FAM186B: variants seen among roughly 807,000 people sequenced by gnomAD.
FAM186B encodes the protein protein FAM186B.
A neutral mutation model predicts 83.4 loss-of-function variants in FAM186B; 68 were observed. That is an observed-to-expected ratio of 0.81 (90% CI 0.67 to 1.00). The LOEUF (loss-of-function observed/expected upper bound fraction) is 1.00, where lower values mean the gene tolerates loss of function less well. FAM186B is among the 50% of genes least tolerant of loss of function. The pLI is 0.00. For synonymous variants in FAM186B, 389 were observed against 422.0 expected, an observed-to-expected ratio of 0.92 and a Z score of 0.96; for missense variants, 983 against 1,099.2, an observed-to-expected ratio of 0.89 and a Z score of 1.49.
In FAM186B at chr12:49,599,494, A is replaced by T; in HGVS notation, c.2146T>A (p.Phe716Ile). ...CGGAGGCTCTGGAGGCGTCTATAGAAGATGTACTTATGGCACAGGTACTGC... is the reference window on the plus strand; with the variant it reads ...CGGAGGCTCTGGAGGCGTCTATAGATGATGTACTTATGGCACAGGTACTGC... ...RLQYLCHKYI[F>I]YRRLQSLRQE... Residue 716 changes from phenylalanine (F) to isoleucine (I), a missense_variant, in exon 4 of 7, where the codon TTC becomes ATC. Phe to Ile is a conservative substitution (Grantham distance 21, BLOSUM62 0). Transcript: ENST00000257894. 6.4e-7 allele frequency: 1 copy of T among 1,556,738 alleles called. No homozygotes were observed. The highest frequency in any genetic ancestry group is 1.2e-5 in the South Asian group (1 of 80,140).
At chr12:49,622,757 A>C in the FAM186B span, 13 of 152,336 alleles carry the variant, frequency 8.5e-5, no homozygotes, top group Admixed American at 8.5e-4. Context: ...TAAAGGGAAC[A>C]GGAAGCGCCT....
upstream of FAM186B, among the ~76,000 whole-genome samples, chr12:49,609,454 G>A (rs1565815600): frequency 6.6e-6 from 1 of 152,222 alleles, no homozygotes; most frequent in Non-Finnish European, 1.5e-5. Context: ...TGCATTTGCA[G>A]TCTGAGTTGG....
chr12:49,613,531 A>G, the FAM186B span, among the ~76,000 whole-genome samples: 10 of 151,070 alleles, frequency 6.6e-5, no homozygotes, highest in East Asian at 1.8e-3. Flanking sequence ...CATCTCAAAA[A>G]AAAAAAAAAA....
the FAM186B span, among the ~76,000 whole-genome samples, chr12:49,613,265 C>T: frequency 4.6e-5 from 7 of 152,000 alleles, no homozygotes; most frequent in East Asian, 1.9e-4. Context: ...CAGTGGTTCA[C>T]GCCTGTAATC....
downstream of FAM186B, among the ~76,000 whole-genome samples, chr12:49,585,056 G>A (rs374920212): frequency 6.6e-6 from 1 of 152,010 alleles, no homozygotes; most frequent in Non-Finnish European, 1.5e-5. Flanking sequence ...GTCTCGCTGT[G>A]TCCCCAGGCT....
the FAM186B span, among the ~76,000 whole-genome samples, chr12:49,613,747 G>A: frequency 9.9e-5 from 15 of 151,784 alleles, no homozygotes; most frequent in African/African-American, 3.6e-4. Flanking sequence ...GCTGAGGCGG[G>A]AGGATCACTG....
the FAM186B span, among the ~76,000 whole-genome samples, chr12:49,612,536 T>TG: frequency 4.2e-5 from 6 of 143,772 alleles, no homozygotes; most frequent in South Asian, 6.6e-4. Context: ...TTTATGTGTG[T>TG]TTTTTTTTTT....
chr12:49,590,813 A>C (rs1939564764), intron 5 of FAM186B, among the ~76,000 whole-genome samples: 1 of 152,212 alleles, frequency 6.6e-6, no homozygotes, highest in South Asian at 2.1e-4. Flanking sequence ...ATTTTTTGCC[A>C]AGAGCCCAAG....
chr12:49,601,205 C>T (rs1939887417), intron 3 of FAM186B, 71 bp from the exon 4 acceptor site: 1 of 1,497,188 alleles, frequency 6.7e-7, no homozygotes, highest in African/African-American at 1.4e-5. Context: ...TTCTCCAAAC[C>T]CTGCAGGGCC....
In FAM186B at chr12:49,600,381, A is replaced by G; in HGVS notation, c.1259T>C (p.Leu420Ser). The change falls in exon 4 of 7, where the codon TTA (leucine) becomes TCA (serine). Residue 420 changes from leucine (L) to serine (S), a missense_variant. Coordinates refer to ENST00000257894, the MANE Select transcript of FAM186B (RefSeq NM_032130.3). The surrounding 1 kb of genome is among the most constrained non-coding windows in gnomAD (Gnocchi z 4.3). The stretch of plus-strand genomic sequence containing the variant: ...TTTCTTAGGAAACCTGCGATCTACT[A>G]AGGGTAAAAGCACAGGCTCAAGGCT... The part of the protein sequence containing the change: ...TESLEPVLLP[L>S]VDRRFPKKWE... 6.2e-7 allele frequency: 1 copy of G among 1,614,048 alleles called. No homozygotes were observed. Among genetic ancestry groups the G allele is most frequent in the Non-Finnish European group, 8.5e-7 (1 of 1,180,000 alleles).
downstream of FAM186B, chr12:49,584,699 T>C: frequency 1.4e-6 from 1 of 693,496 alleles, no homozygotes; most frequent in Non-Finnish European, 2.6e-6. Context: ...CCTGAGCACT[T>C]CCCAGAGCCA....
At chr12:49,606,428 A>G (rs1443630488), upstream of FAM186B, among the ~76,000 whole-genome samples, 2 of 150,778 alleles carry the variant, frequency 1.3e-5, no homozygotes, top group Admixed American at 1.3e-4. Context: ...CCAGGAGGTC[A>G]AGGCTGCAGT....
rs1488027050 is a variant in FAM186B at position 49,600,570 on chromosome 12, C to G, written c.1070G>C (p.Ser357Thr). 1 of 1,613,022 alleles carries G rather than the reference C, an allele frequency of 6.2e-7. No homozygotes were observed. The highest frequency in any genetic ancestry group is 1.3e-5 in the African/African-American group (1 of 74,906). Reference protein sequence around the residue: ...LPRKETVMEESQQEPMKEEQL... With the variant: ...LPRKETVMEETQQEPMKEEQL... ...CTCCTCCTTCATCGGTTCCTGTTGGCTTTCCTCCATGACTGTTTCTTTCCT... is the reference window on the plus strand; with the variant it reads ...CTCCTCCTTCATCGGTTCCTGTTGGGTTTCCTCCATGACTGTTTCTTTCCT... The change falls in exon 4 of 7, where the codon AGC becomes ACC. Residue 357 changes from serine (S) to threonine (T), a missense_variant. Physicochemically the swap from Ser to Thr is moderately conservative, Grantham distance 58 (BLOSUM62 1). Coordinates refer to ENST00000257894, the MANE Select transcript of FAM186B (RefSeq NM_032130.3). This position sits in a 1 kb window ranked among gnomAD's most constrained non-coding sequence, Gnocchi z 4.3.
chr12:49,584,170 G>T (rs1939391877), downstream of FAM186B: 1 of 295,898 alleles, frequency 3.4e-6, no homozygotes, highest in Non-Finnish European at 6.5e-6. Context: ...TAAGTGCCAG[G>T]TGCCAATCAC....
chr12:49,588,334 G>C, intron 6 of FAM186B, 120 bp downstream of exon 6: 8 of 1,264,438 alleles, frequency 6.3e-6, no homozygotes, highest in Non-Finnish European at 8.7e-6. Context: ...TTTGCAACTC[G>C]TAGGGTGATA....
At chr12:49,583,056 T>A (rs182068004), downstream of FAM186B, 41 of 456,264 alleles carry the variant, frequency 9.0e-5, no homozygotes, top group African/African-American at 6.4e-4. Context: ...GTCAAAGTCC[T>A]CCATCACCAG....
rs759878663 is a variant in FAM186B, at chr12:49,598,792, C to G, written c.2327G>C (p.Arg776Pro). Residue 776 changes from arginine to proline, a missense_variant, in exon 5 of 7, where the codon CGA becomes CCA. Transcript: ENST00000257894. ...GGTCACCATGCTGCTCAGGCACTCTCGGTGCTTCTCCTCCAGCCCCTTCTG... is the reference window on the plus strand; with the variant it reads ...GGTCACCATGCTGCTCAGGCACTCTGGGTGCTTCTCCTCCAGCCCCTTCTG... ...DKQKGLEEKH[R>P]ECLSSMVTMF... 6 of 1,611,934 alleles carry G rather than the reference C, an allele frequency of 3.7e-6. No homozygotes were observed. The Admixed American group carries it at 1.0e-4, about 27-fold the overall frequency.
At chr12:49,590,880 C>G (rs1939566492) in intron 5 of FAM186B, among the ~76,000 whole-genome samples, 1 of 152,048 alleles carries the variant, frequency 6.6e-6, no homozygotes, top group African/African-American at 2.4e-5. Context: ...AGTAAAACTA[C>G]TAGTATATAG....
chr12:49,598,443 T>C (rs1939777858), intron 5 of FAM186B, among the ~76,000 whole-genome samples: 1 of 152,176 alleles, frequency 6.6e-6, no homozygotes, highest in Non-Finnish European at 1.5e-5. Flanking sequence ...GAGCCAGGAC[T>C]GCAGGATCCA....
Sources: allele counts gnomAD v4.1 joint callset (sites outside exome capture counted in the v4.1 genomes callset), GRCh38; gene constraint gnomAD v4.1.1; non-coding constraint Gnocchi (gnomAD v3.1); transcripts MANE v1.5; gene names NCBI Gene and HGNC (gene_info 2026-07-23, HGNC 2026-07-21).